FNTA: variants seen among roughly 807,000 people sequenced by gnomAD.
FNTA encodes protein farnesyltransferase/geranylgeranyltransferase type-1 subunit alpha.
A neutral mutation model predicts 55.2 loss-of-function variants in FNTA; 27 were observed. The observed-to-expected ratio is 0.49, with a 90% CI of 0.36 to 0.67. The LOEUF is 0.67. FNTA is among the 30% of genes least tolerant of loss of function. The pLI, the probability that FNTA is intolerant of heterozygous loss-of-function variation, is 0.00. For missense variants in FNTA, 422 were observed against 464.7 expected (o/e 0.91, Z 0.85); for synonymous variants, 176 against 170.7 (o/e 1.03, Z -0.24).
intron 6 of FNTA, chr8:43,082,604 A>C (rs950747181): frequency 2.0e-5 from 3 of 152,156 alleles, no homozygotes; most frequent in African/African-American, 7.2e-5. Flanking sequence ...CTTTTAGATT[A>C]GTTTTGTGTC....
chr8:43,065,844 T>C (rs1810645528), intron 3 of FNTA, among the ~76,000 whole-genome samples: 1 of 151,448 alleles, frequency 6.6e-6, no homozygotes, highest in South Asian at 2.1e-4. Flanking sequence ...TGGAAAATAA[T>C]TTTTGGGATT....
chr8:43,083,399 AC>A (rs756341072), intron 7 of FNTA, among the ~76,000 whole-genome samples: 1 of 152,162 alleles, frequency 6.6e-6, no homozygotes, highest in Non-Finnish European at 1.5e-5. Context: ...AGAATAATCC[AC>A]CAGTAAATAA....
intron 1 of FNTA, among the ~76,000 whole-genome samples, chr8:43,057,555 C>G (rs966124720): frequency 2.0e-5 from 3 of 152,134 alleles, no homozygotes; most frequent in African/African-American, 7.2e-5. Flanking sequence ...CGTCTTAGGT[C>G]ATGATTTCAC....
chr8:43,074,224 C>A (rs946179811), intron 5 of FNTA, among the ~76,000 whole-genome samples: 1 of 152,054 alleles, frequency 6.6e-6, no homozygotes, highest in African/African-American at 2.4e-5. Context: ...CACTAAAAAT[C>A]AATTACTTTA....
intron 2 of FNTA, 80 bp downstream of exon 2, chr8:43,059,257 A>G (rs987555581): frequency 6.5e-6 from 6 of 919,368 alleles, no homozygotes; most frequent in East Asian, 5.7e-5. Flanking sequence ...GTAGCAAGAT[A>G]GATGACAAAT....
chr8:43,059,263 C>A, intron 2 of FNTA, 86 bp downstream of exon 2: 1 of 844,758 alleles, frequency 1.2e-6, no homozygotes. Context: ...AGATAGATGA[C>A]AAATTTCTGT....
intron 4 of FNTA, among the ~76,000 whole-genome samples, chr8:43,069,887 G>A (rs1477737712): frequency 2.0e-5 from 3 of 151,786 alleles, no homozygotes; most frequent in Non-Finnish European, 4.4e-5. Flanking sequence ...CAGGTGATCC[G>A]CCCTCCTCAG....
chr8:43,057,570 A>G (rs1810439131), intron 1 of FNTA, among the ~76,000 whole-genome samples: 1 of 152,024 alleles, frequency 6.6e-6, no homozygotes, highest in Non-Finnish European at 1.5e-5. Context: ...TTTCACTTGT[A>G]TTTCTCCCTG....
intron 3 of FNTA, among the ~76,000 whole-genome samples, chr8:43,068,068 T>G (rs1036591668): frequency 1.6e-4 from 24 of 152,206 alleles, no homozygotes; most frequent in Non-Finnish European, 2.8e-4. Context: ...CCCAGCTAAT[T>G]TTTTTGTATT....
intron 1 of FNTA, 168 bp from the exon 2 acceptor site, chr8:43,058,924 A>T: frequency 2.1e-6 from 1 of 487,446 alleles, no homozygotes; most frequent in Non-Finnish European, 3.6e-6. Flanking sequence ...TTAATGTGTA[A>T]AACATATTGG....
At chr8:43,059,877 G>T (rs923774132) in intron 2 of FNTA, among the ~76,000 whole-genome samples, 1 of 152,190 alleles carries the variant, frequency 6.6e-6, no homozygotes, top group Non-Finnish European at 1.5e-5. Context: ...TATTAAGTGT[G>T]CAGATATATT....
intron 3 of FNTA, among the ~76,000 whole-genome samples, chr8:43,067,621 A>G (rs1810690120): frequency 6.7e-6 from 1 of 150,364 alleles, no homozygotes; most frequent in African/African-American, 2.4e-5. Context: ...CCAAGGGCTT[A>G]TATTTACATG....
chr8:43,062,173 A>ATGTGTGTGTGTG (rs35607201), intron 2 of FNTA, among the ~76,000 whole-genome samples: 90 of 149,018 alleles, frequency 6.0e-4, no homozygotes, highest in Non-Finnish European at 1.0e-3. Flanking sequence ...TGTATGTTTT[A>ATGTGTGTGTGTG]TGTGTGTGTG....
intron 1 of FNTA, 45 bp downstream of exon 1, chr8:43,056,591 C>A (rs909892674): frequency 9.5e-5 from 115 of 1,216,180 alleles, no homozygotes; most frequent in Non-Finnish European, 1.2e-4. Context: ...TCCCTGGAGG[C>A]CCAGCGGCCC....
rs1810595128 is a variant in FNTA, at chr8:43,063,971, C to CT, written c.287-127dup. The CT allele has an allele frequency of 6.3e-6, 4 of 638,674 alleles. No homozygotes were observed. The East Asian group carries it at 1.1e-4, about 18-fold the overall frequency. 39.6% of individuals were successfully genotyped at this position (638,674 alleles called of 1,614,324 possible). On this transcript the variant is annotated intron_variant, in intron 2 of 8. Transcript: ENST00000302279. ...TAGGGTGGCGGCCACAGCCATTTGA[C>CT]TTTATTTTGCTTGTTGGTATAAATG... is the stretch of plus-strand genomic sequence containing the variant.
intron 8 of FNTA, 73 bp downstream of exon 8, chr8:43,084,954 T>C: frequency 1.4e-6 from 2 of 1,420,426 alleles, no homozygotes; most frequent in Admixed American, 4.0e-5. Context: ...CTAATATCCA[T>C]GTCCCCTTTC....
chr8:43,065,466 C>T (rs942649291), intron 3 of FNTA, among the ~76,000 whole-genome samples: 79 of 152,164 alleles, frequency 5.2e-4, no homozygotes, highest in Middle Eastern at 3.4e-3. Flanking sequence ...AGGTTGGTCT[C>T]GACCTCCTGA....
intron 2 of FNTA, among the ~76,000 whole-genome samples, chr8:43,061,520 T>G (rs995323689): frequency 1.3e-5 from 2 of 152,172 alleles, no homozygotes; most frequent in Admixed American, 6.5e-5. Context: ...TTGCAGCATT[T>G]TTTGAAAAAG....
intron 2 of FNTA, among the ~76,000 whole-genome samples, chr8:43,059,805 ATT>A (rs56369966): frequency 2.0e-5 from 3 of 151,946 alleles, no homozygotes; most frequent in Admixed American, 6.6e-5. Context: ...TTACAAAAGC[ATT>A]TTTTTTCTGC....
Sources: gnomAD v4.1 joint callset for allele counts (sites outside exome capture counted in the v4.1 genomes callset) on GRCh38, gnomAD v4.1.1 for gene constraint, MANE v1.5 for transcripts, NCBI Gene and HGNC (gene_info 2026-07-23, HGNC 2026-07-21) for gene names.